The following SGCZ variants were observed in gnomAD, a reference collection of about 807,000 sequenced individuals.
The protein encoded by SGCZ is sarcoglycan zeta, also known as zeta-sarcoglycan.
A neutral mutation model predicts 41.3 loss-of-function variants in SGCZ; 40 were observed. That is an observed-to-expected ratio of 0.97 (90% CI 0.75 to 1.26). SGCZ has a LOEUF of 1.26. Ranked by LOEUF, SGCZ falls within the 50% of genes most tolerant of loss-of-function variation. SGCZ has a pLI of 0.00. For missense variants in SGCZ, 552 were observed against 369.8 expected (o/e 1.49, Z -4.04); for synonymous variants, 206 against 137.5 (o/e 1.50, Z -3.49).
intron 1 of SGCZ, among the ~76,000 whole-genome samples, chr8:14,914,798 C>T (rs1346358231): frequency 1.3e-5 from 2 of 152,162 alleles, no homozygotes; most frequent in Non-Finnish European, 2.9e-5. Context: ...TTAATCCTTT[C>T]AGTACACTGG....
intron 2 of SGCZ, among the ~76,000 whole-genome samples, chr8:14,330,213 C>A (rs942879958): frequency 1.3e-5 from 2 of 152,032 alleles, no homozygotes; most frequent in Non-Finnish European, 2.9e-5. Context: ...TATGATCAAT[C>A]TTATTTATCT....
At chr8:14,377,915 A>G (rs1296637983) in intron 2 of SGCZ, among the ~76,000 whole-genome samples, 2 of 150,686 alleles carry the variant, frequency 1.3e-5, no homozygotes, top group Admixed American at 6.6e-5. Flanking sequence ...ACATTTTCTT[A>G]ATCCAGTCTA....
At chr8:15,059,096 A>G (rs1235432869) in intron 1 of SGCZ, among the ~76,000 whole-genome samples, 2 of 152,160 alleles carry the variant, frequency 1.3e-5, no homozygotes. Flanking sequence ...TAAAATGTCT[A>G]AAGTTGTTAC....
intron 1 of SGCZ, among the ~76,000 whole-genome samples, chr8:14,886,462 G>A (rs1804808434): frequency 2.0e-5 from 3 of 152,010 alleles, no homozygotes; most frequent in Non-Finnish European, 4.4e-5. Flanking sequence ...TTAGCTTGAG[G>A]TGGTGAGAGA....
At chr8:14,828,141 TA>T (rs1302555024) in intron 1 of SGCZ, among the ~76,000 whole-genome samples, 4 of 152,108 alleles carry the variant, frequency 2.6e-5, no homozygotes, top group Non-Finnish European at 5.9e-5. Flanking sequence ...TGGTGAAGAT[TA>T]AATGGAAGAA....
At chr8:14,742,210 T>A (rs1045349923) in intron 1 of SGCZ, among the ~76,000 whole-genome samples, 1 of 152,088 alleles carries the variant, frequency 6.6e-6, no homozygotes, top group African/African-American at 2.4e-5. Flanking sequence ...GTCAGTCTAA[T>A]GATCCATCTG....
At chr8:14,742,222 G>A (rs936475346) in intron 1 of SGCZ, among the ~76,000 whole-genome samples, 1 of 151,988 alleles carries the variant, frequency 6.6e-6, no homozygotes, top group African/African-American at 2.4e-5. Flanking sequence ...ATCCATCTGT[G>A]CAGGCATTTA....
At chr8:14,529,501 C>T (rs1380109492) in intron 2 of SGCZ, among the ~76,000 whole-genome samples, 1 of 152,148 alleles carries the variant, frequency 6.6e-6, no homozygotes, top group Non-Finnish European at 1.5e-5. Flanking sequence ...CAACTTCAAT[C>T]AGCTTGGTAG....
chr8:15,109,710 G>T (rs1806973187), intron 1 of SGCZ, among the ~76,000 whole-genome samples: 1 of 152,108 alleles, frequency 6.6e-6, no homozygotes, highest in Non-Finnish European at 1.5e-5. Context: ...AGAGTTCTGG[G>T]TAGTTAAATG....
intron 2 of SGCZ, among the ~76,000 whole-genome samples, chr8:14,477,420 C>G (rs1002786721): frequency 1.3e-5 from 2 of 152,088 alleles, no homozygotes; most frequent in African/African-American, 4.8e-5. Context: ...CTTCTTACCA[C>G]TGTGAGTTGT....
intron 1 of SGCZ, among the ~76,000 whole-genome samples, chr8:14,837,819 T>C (rs1045885916): frequency 2.3e-4 from 35 of 152,170 alleles, no homozygotes; most frequent in Non-Finnish European, 2.5e-4. Context: ...AGTCATAATA[T>C]ATTTAGGGAG....
chr8:14,548,494 A>C (rs12542565), intron 2 of SGCZ, among the ~76,000 whole-genome samples: 1 of 152,136 alleles, frequency 6.6e-6, no homozygotes, highest in Non-Finnish European at 1.5e-5. Context: ...GAGAAAAATG[A>C]ATGCTTACAG....
intron 1 of SGCZ, among the ~76,000 whole-genome samples, chr8:14,888,366 C>A (rs75456909): frequency 6.6e-6 from 1 of 152,004 alleles, no homozygotes; most frequent in Non-Finnish European, 1.5e-5. Context: ...TAGGGCCATA[C>A]GTGAGAAGCT....
intron 2 of SGCZ, among the ~76,000 whole-genome samples, chr8:14,532,442 T>C (rs1461694961): frequency 6.6e-6 from 1 of 151,932 alleles, no homozygotes; most frequent in Non-Finnish European, 1.5e-5. Context: ...TACATAGATT[T>C]GATAAATGAA....
At chr8:14,964,285 A>T (rs1302659642) in intron 1 of SGCZ, among the ~76,000 whole-genome samples, 1 of 152,204 alleles carries the variant, frequency 6.6e-6, no homozygotes, top group African/African-American at 2.4e-5. Flanking sequence ...CTGTTCTGTC[A>T]TATCACAAGA....
Position 15,201,010 on chromosome 8 carries a change from A to G in SGCZ, c.39+36575T>C, listed in dbSNP as rs762011258. Among the ~76,000 whole-genome samples the G allele has an allele frequency of 3.1e-4, 47 of 152,180 alleles. 1 individual carries two copies. Among genetic ancestry groups the G allele is most frequent in the South Asian group, 1.2e-3 (6 of 4,818 alleles). On this transcript the variant is annotated intron_variant, in intron 1 of 7. Coordinates refer to ENST00000382080, the MANE Select transcript of SGCZ (RefSeq NM_139167.4). ...TTCCCCCACTACCAAAGCGTCCCCA[A>G]TCAGATCTACTTTATCTATTTATTT...
intron 1 of SGCZ, among the ~76,000 whole-genome samples, chr8:14,919,097 T>C (rs576349872): frequency 6.6e-6 from 1 of 152,214 alleles, no homozygotes; most frequent in Non-Finnish European, 1.5e-5. Flanking sequence ...AATAAAATTA[T>C]TGATAACACT....
intron 1 of SGCZ, among the ~76,000 whole-genome samples, chr8:14,795,752 TA>T (rs1801104942): frequency 6.6e-6 from 1 of 152,170 alleles, no homozygotes; most frequent in African/African-American, 2.4e-5. Context: ...AGGTTTGTTG[TA>T]CAGATTATTT....
chr8:14,607,496 C>T (rs948479417), intron 1 of SGCZ, among the ~76,000 whole-genome samples: 2 of 152,136 alleles, frequency 1.3e-5, no homozygotes, highest in Admixed American at 1.3e-4. Context: ...GACATCATTT[C>T]CCTTCCAATA....
Sources: gnomAD v4.1 joint callset for allele counts (sites outside exome capture counted in the v4.1 genomes callset) on GRCh38, gnomAD v4.1.1 for gene constraint, MANE v1.5 for transcripts, NCBI Gene and HGNC (gene_info 2026-07-23, HGNC 2026-07-21) for gene names.